The following SOWAHC variants were observed in gnomAD, a reference collection of about 807,000 sequenced individuals.
The protein encoded by SOWAHC is sosondowah ankyrin repeat domain family member C.
In SOWAHC, 12 loss-of-function variants were observed where a neutral mutation model predicts 14.4. The observed-to-expected ratio is 0.83, with a 90% CI of 0.53 to 1.35. SOWAHC has a LOEUF of 1.35. Ranked by LOEUF, SOWAHC falls within the 40% of genes most tolerant of loss-of-function variation. SOWAHC has a pLI of 0.00. For synonymous variants in SOWAHC, 398 were observed against 347.0 expected (o/e 1.15, Z -1.63); for missense variants, 771 against 752.8 (o/e 1.02, Z -0.28).
At position 109,615,970 on chromosome 2, in the gene SOWAHC, C is replaced by G; in HGVS notation, c.1481C>G (p.Pro494Arg). 1 of 1,573,896 alleles carries G rather than the reference C, an allele frequency of 6.4e-7. No individual in the cohort carries two copies. Among genetic ancestry groups the G allele is most frequent in the East Asian group, 2.2e-5 (1 of 44,632 alleles). ...CCCTCTTTCAGGGACCCAGAGCAGC[C>G]GCTGGAGGGCAGGGGGGAGGAGGGA... ...TTPSFRDPEQ[P>R]LEGRGEEGVG... The change falls in exon 1 of 1, where the codon CCG becomes CGG. Residue 494 changes from proline (P) to arginine (R), a missense_variant. By Grantham distance (103) the Pro-to-Arg change is moderately radical (BLOSUM62 -2). Transcript: ENST00000356454.
Position 109,615,056 on chromosome 2 carries a change from C to T in SOWAHC, c.567C>T (p.Gly189=), listed in dbSNP as rs368789552. 167 of 1,549,094 alleles carry T rather than the reference C, an allele frequency of 1.1e-4. 2 individuals carry two copies. In the African/African-American group the frequency reaches 2.1e-3, roughly 20 times the overall value. The stretch of plus-strand genomic sequence containing the variant: ...ATGGCTGCGAGGAGGCGGACAGGGG[C>T]AGCTCCCTTGTGGGGGCTACCGCAC... ...PPHGCEEADR[G]SSLVGATAQR... Residue 189 remains glycine, a synonymous_variant, in exon 1 of 1, where the codon GGC becomes GGT. Transcript: ENST00000356454.
rs776243256 is a variant in SOWAHC, at chr2:109,615,407, G to A, written c.918G>A (p.Leu306=). The A allele has an allele frequency of 6.2e-7, 1 of 1,613,090 alleles. No individual in the cohort carries two copies. The highest frequency in any genetic ancestry group is 1.7e-5 in the Admixed American group (1 of 60,032). Residue 306 remains leucine, a synonymous_variant, in exon 1 of 1, where the codon CTG becomes CTA. Transcript: ENST00000356454. The stretch of plus-strand genomic sequence containing the variant: ...ACTTCATTACCGGCTTCACTTGCCT[G>A]CACTGGGCCGCCAAGCACGGCAGGC... ...KRDFITGFTC[L]HWAAKHGRQE...
Position 109,614,904 on chromosome 2 carries a change from C to T in SOWAHC, c.415C>T (p.Pro139Ser). ...GQGRELGEGE[P>S]PAPAHWPPLS... is the part of the protein sequence containing the mutation. ...GGGCCGCGAGCTGGGCGAGGGAGAG[C>T]CCCCCGCCCCCGCGCACTGGCCGCC... Residue 139 changes from proline to serine, a missense_variant, in exon 1 of 1, where the codon CCC becomes TCC. By Grantham distance (74) the Pro-to-Ser change is moderately conservative. Transcript: ENST00000356454. 6.9e-7 allele frequency: 1 copy of T among 1,445,722 alleles called. No homozygotes were observed. Among genetic ancestry groups the T allele is most frequent in the Non-Finnish European group, 9.0e-7 (1 of 1,109,512 alleles). The allele number at this position is 1,445,722 out of a possible 1,614,324, so 89.6% of individuals were successfully genotyped here. A position where few individuals can be genotyped will look rare whatever the true frequency, so the allele number is the denominator to read the frequency against.
At position 109,616,391 on chromosome 2, in the gene SOWAHC, T is replaced by G; in HGVS notation, c.*324T>G. ...AATGAGAGTTCCTTTGCTTTAACCA[T>G]TCCTGGATGCCTGCAAAGTAAGGAA... is the stretch of plus-strand genomic sequence containing the variant. On this transcript the variant is annotated 3_prime_UTR_variant, in exon 1 of 1. Transcript: ENST00000356454. 2 of 200,954 alleles carry G rather than the reference T, an allele frequency of 1.0e-5. No individual in the cohort carries two copies. Among genetic ancestry groups the G allele is most frequent in the Non-Finnish European group, 1.1e-5 (1 of 91,644 alleles). The allele number at this position is 200,954 out of a possible 1,614,324, so 12.4% of individuals were successfully genotyped here. A position where few individuals can be genotyped will look rare whatever the true frequency, so the allele number is the denominator to read the frequency against.
At position 109,614,426 on chromosome 2, in the gene SOWAHC, TG is replaced by T; in HGVS notation, c.-61del. 8.8e-7 allele frequency: 1 copy of T among 1,135,550 alleles called. No individual in the cohort carries two copies. The highest frequency in any genetic ancestry group is 1.1e-6 in the Non-Finnish European group (1 of 909,204). The allele number at this position is 1,135,550 out of a possible 1,614,324, so 70.3% of individuals were successfully genotyped here. Reference sequence around the variant, plus strand: ...TCCGCCGCCGTCGGGAGCCGGCCGCTGGGAGCCCGTCGCTATGGGACCGCGC... The same window carrying T: ...TCCGCCGCCGTCGGGAGCCGGCCGCTGGAGCCCGTCGCTATGGGACCGCGC... On this transcript the variant is annotated 5_prime_UTR_variant, in exon 1 of 1. Transcript: ENST00000356454.
Position 109,615,085 on chromosome 2 carries a change from G to C in SOWAHC, c.596G>C (p.Arg199Thr). The change falls in exon 1 of 1, where the codon AGG becomes ACG. Residue 199 changes from arginine to threonine, a missense_variant. By Grantham distance (71) the Arg-to-Thr change is moderately conservative. Coordinates refer to ENST00000356454, the MANE Select transcript of SOWAHC (RefSeq NM_023016.4). ...GSSLVGATAQ[R>T]PARQNLRDLV... is the part of the protein sequence containing the mutation. The stretch of plus-strand genomic sequence containing the variant: ...TCCCTTGTGGGGGCTACCGCACAGA[G>C]GCCGGCCCGCCAGAACCTCCGTGAC... The C allele has an allele frequency of 6.5e-7, 1 of 1,549,646 alleles. No individual in the cohort carries two copies. The highest frequency in any genetic ancestry group is 8.7e-7 in the Non-Finnish European group (1 of 1,146,788).
At position 109,618,730 on chromosome 2, in the gene SOWAHC, CTA is replaced by C. The variant is rs1170549864; in HGVS notation, c.*2665_*2666del. ...TACTTAGATGTTTATTGATATGAGA[CTA>C]TGTGGTTAAAAAACCCAAGTATGTC... On this transcript the variant is annotated 3_prime_UTR_variant, in exon 1 of 1. Coordinates refer to ENST00000356454, the MANE Select transcript of SOWAHC (RefSeq NM_023016.4). The C allele has an allele frequency of 2.4e-5, 4 of 167,054 alleles. No homozygotes were observed. The highest frequency in any genetic ancestry group is 2.1e-4 in the South Asian group (1 of 4,832). The allele number at this position is 167,054 out of a possible 1,614,324, so 10.3% of individuals were successfully genotyped here.
In SOWAHC at chr2:109,616,178, G is replaced by A. The variant is rs1700149820; in HGVS notation, c.*111G>A. On this transcript the variant is annotated 3_prime_UTR_variant, in exon 1 of 1. Transcript: ENST00000356454. ...CAAGCTAAATTATGCATTCTTACTTGAGGGATCGGAATGGATGGGGCGGAG... is the reference window on the plus strand; with the variant it reads ...CAAGCTAAATTATGCATTCTTACTTAAGGGATCGGAATGGATGGGGCGGAG... 1 of 1,390,982 alleles carries A rather than the reference G, an allele frequency of 7.2e-7. No individual in the cohort carries two copies. Among genetic ancestry groups the A allele is most frequent in the African/African-American group, 1.5e-5 (1 of 68,218 alleles). The allele number at this position is 1,390,982 out of a possible 1,614,324, so 86.2% of individuals were successfully genotyped here. A position where few individuals can be genotyped will look rare whatever the true frequency, so the allele number is the denominator to read the frequency against.
Position 109,615,450 on chromosome 2 carries a change from C to T in SOWAHC, c.961C>T (p.Leu321=). 1.2e-6 allele frequency: 2 copies of T among 1,613,218 alleles called. No homozygotes were observed. The highest frequency in any genetic ancestry group is 1.7e-5 in the Admixed American group (1 of 60,034). Residue 321 remains leucine (L), a synonymous_variant, in exon 1 of 1, where the codon CTA becomes TTA. Coordinates refer to ENST00000356454, the MANE Select transcript of SOWAHC (RefSeq NM_023016.4). The stretch of plus-strand genomic sequence containing the variant: ...CGGCAGGCAGGAGCTTCTGGCCATG[C>T]TAGTCAACTTCGCCAACAAACACCA... ...KHGRQELLAM[L]VNFANKHQLP...
rs1179618994 is a variant in SOWAHC, at chr2:109,614,911, C to T, written c.422C>T (p.Ala141Val). 6 of 1,457,920 alleles carry T rather than the reference C, an allele frequency of 4.1e-6. No homozygotes were observed. Among genetic ancestry groups the T allele is most frequent in the Non-Finnish European group, 4.5e-6 (5 of 1,114,374 alleles). The allele number at this position is 1,457,920 out of a possible 1,614,324, so 90.3% of individuals were successfully genotyped here. Reference sequence around the variant, plus strand: ...GAGCTGGGCGAGGGAGAGCCCCCCGCCCCCGCGCACTGGCCGCCCCTGAGC... The same window carrying T: ...GAGCTGGGCGAGGGAGAGCCCCCCGTCCCCGCGCACTGGCCGCCCCTGAGC... ...GRELGEGEPP[A>V]PAHWPPLSAG... Residue 141 changes from alanine (A) to valine (V), a missense_variant, in exon 1 of 1, where the codon GCC becomes GTC. Transcript: ENST00000356454.
chr2:109,614,654 C>A lies in SOWAHC; in HGVS notation c.165C>A (p.His55Gln). 6.8e-7 allele frequency: 1 copy of A among 1,477,074 alleles called. No homozygotes were observed. Among genetic ancestry groups the A allele is most frequent in the Non-Finnish European group, 8.9e-7 (1 of 1,118,476 alleles). 91.5% of individuals were successfully genotyped at this position (1,477,074 alleles called of 1,614,324 possible). Reference protein sequence around the residue: ...EPEQRARARAHFKELVNAVAT... With the variant: ...EPEQRARARAQFKELVNAVAT... ...AGCAGCGCGCCCGCGCCCGCGCGCA[C>A]TTCAAGGAGCTGGTGAACGCCGTGG... is the stretch of plus-strand genomic sequence containing the variant. The change falls in exon 1 of 1, where the codon CAC becomes CAA. Residue 55 changes from histidine to glutamine, a missense_variant. His to Gln is a conservative substitution (Grantham distance 24, BLOSUM62 0). Coordinates refer to ENST00000356454, the MANE Select transcript of SOWAHC (RefSeq NM_023016.4).
chr2:109,617,746 T>TGGTGGCTCATGG lies in SOWAHC; in HGVS notation c.*1690_*1691insGGGTGGCTCATG, dbSNP rs1700167865. The TGGTGGCTCATGG allele has an allele frequency of 1.2e-5, 2 of 166,510 alleles. No individual in the cohort carries two copies. The highest frequency in any genetic ancestry group is 6.6e-5 in the Admixed American group (1 of 15,266). 10.3% of individuals were successfully genotyped at this position (166,510 alleles called of 1,614,324 possible). On this transcript the variant is annotated 3_prime_UTR_variant, in exon 1 of 1. Transcript: ENST00000356454. ...TTAAAGATGGATGAAAGGCCAGGCATGGTGGCTCATGCCTGTAATCCCAGC... is the reference window on the plus strand; with the variant it reads ...TTAAAGATGGATGAAAGGCCAGGCATGGTGGCTCATGGGGTGGCTCATGCCTGTAATCCCAGC...
chr2:109,614,886 G>C lies in SOWAHC; in HGVS notation c.397G>C (p.Glu133Gln). 1 of 1,425,506 alleles carries C rather than the reference G, an allele frequency of 7.0e-7. No homozygotes were observed. The highest frequency in any genetic ancestry group is 9.1e-7 in the Non-Finnish European group (1 of 1,101,328). The allele number at this position is 1,425,506 out of a possible 1,614,324, so 88.3% of individuals were successfully genotyped here. A position where few individuals can be genotyped will look rare whatever the true frequency, so the allele number is the denominator to read the frequency against. Residue 133 changes from glutamate (E) to glutamine (Q), a missense_variant, in exon 1 of 1, where the codon GAG (glutamate) becomes CAG (glutamine). Transcript: ENST00000356454. Reference protein sequence around the residue: ...APESLPGQGRELGEGEPPAPA... With the variant: ...APESLPGQGRQLGEGEPPAPA... ...GGAGTCGCTCCCTGGACAGGGCCGC[G>C]AGCTGGGCGAGGGAGAGCCCCCCGC... is the stretch of plus-strand genomic sequence containing the variant.
Position 109,615,110 on chromosome 2 carries a change from C to A in SOWAHC, c.621C>A (p.Asp207Glu). The change falls in exon 1 of 1, where the codon GAC becomes GAA. Residue 207 changes from aspartate to glutamate, a missense_variant. Transcript: ENST00000356454. ...GGCCGGCCCGCCAGAACCTCCGTGA[C>A]CTGGTGATGGGCAGCTCCCCGCAGC... ...AQRPARQNLR[D>E]LVMGSSPQLK... 6.5e-7 allele frequency: 1 copy of A among 1,549,834 alleles called. No individual in the cohort carries two copies. Among genetic ancestry groups the A allele is most frequent in the Middle Eastern group, 1.7e-4 (1 of 5,860 alleles).
At position 109,618,180 on chromosome 2, in the gene SOWAHC, G is replaced by T. The variant is rs1462692945; in HGVS notation, c.*2113G>T. ...TCTAATTTTGTATAAATAAAAACAGGCTCCTGGAAGGTGAAAAGTAGTCAT... is the reference window on the plus strand; with the variant it reads ...TCTAATTTTGTATAAATAAAAACAGTCTCCTGGAAGGTGAAAAGTAGTCAT... On this transcript the variant is annotated 3_prime_UTR_variant, in exon 1 of 1. Coordinates refer to ENST00000356454, the MANE Select transcript of SOWAHC (RefSeq NM_023016.4). 1.2e-5 allele frequency: 2 copies of T among 166,946 alleles called. No homozygotes were observed. Among genetic ancestry groups the T allele is most frequent in the Non-Finnish European group, 2.9e-5 (2 of 68,104 alleles). 10.3% of individuals were successfully genotyped at this position (166,946 alleles called of 1,614,324 possible).
chr2:109,614,808 G>T lies in SOWAHC; in HGVS notation c.319G>T (p.Asp107Tyr), dbSNP rs937666434. ...GGTGACCGCCGAGCCCGAGGCCCCC[G>T]ACGGCCCTGCCGGGCCCGAGGCGCG... ...IQVTAEPEAP[D>Y]GPAGPEARDR... is the part of the protein sequence containing the mutation. Residue 107 changes from aspartate (D) to tyrosine (Y), a missense_variant, in exon 1 of 1, where the codon GAC becomes TAC. By Grantham distance (160) the Asp-to-Tyr change is radical. Coordinates refer to ENST00000356454, the MANE Select transcript of SOWAHC (RefSeq NM_023016.4). 9 of 1,465,804 alleles carry T rather than the reference G, an allele frequency of 6.1e-6. 1 individual carries two copies. Among genetic ancestry groups the T allele is most frequent in the South Asian group, 2.6e-5 (2 of 76,968 alleles). 90.8% of individuals were successfully genotyped at this position (1,465,804 alleles called of 1,614,324 possible). A position where few individuals can be genotyped will look rare whatever the true frequency, so the allele number is the denominator to read the frequency against.
rs146665390 is a variant in SOWAHC, at chr2:109,615,983, G to T, written c.1494G>T (p.Arg498Ser). ...FRDPEQPLEG[R>S]GEEGVGEERP... ...ACCCAGAGCAGCCGCTGGAGGGCAGGGGGGAGGAGGGAGTGGGGGAGGAAC... is the reference window on the plus strand; with the variant it reads ...ACCCAGAGCAGCCGCTGGAGGGCAGTGGGGAGGAGGGAGTGGGGGAGGAAC... The change falls in exon 1 of 1, where the codon AGG becomes AGT. Residue 498 changes from arginine (R) to serine (S), a missense_variant. Coordinates refer to ENST00000356454, the MANE Select transcript of SOWAHC (RefSeq NM_023016.4). The T allele has an allele frequency of 1.8e-3, 2,814 of 1,555,684 alleles. 5 individuals are homozygous for T. Among genetic ancestry groups the T allele is most frequent in the Non-Finnish European group, 2.3e-3 (2,602 of 1,154,068 alleles).
rs1213346786 is a variant in SOWAHC at position 109,614,463 on chromosome 2, G to C, written c.-27G>C. On this transcript the variant is annotated 5_prime_UTR_variant, in exon 1 of 1. Coordinates refer to ENST00000356454, the MANE Select transcript of SOWAHC (RefSeq NM_023016.4). ...GCTATGGGACCGCGCTGAGCCGCCCGCTGGCGGGGGAGCAGCGCGGTCGAG... is the reference window on the plus strand; with the variant it reads ...GCTATGGGACCGCGCTGAGCCGCCCCCTGGCGGGGGAGCAGCGCGGTCGAG... 3.3e-6 allele frequency: 4 copies of C among 1,213,622 alleles called. No homozygotes were observed. The highest frequency in any genetic ancestry group is 4.1e-6 in the Non-Finnish European group (4 of 976,288). 75.2% of individuals were successfully genotyped at this position (1,213,622 alleles called of 1,614,324 possible).
chr2:109,616,261 C>A lies in SOWAHC; in HGVS notation c.*194C>A. 1.2e-6 allele frequency: 1 copy of A among 836,374 alleles called. No individual in the cohort carries two copies. Among genetic ancestry groups the A allele is most frequent in the Non-Finnish European group, 1.7e-6 (1 of 604,538 alleles). 51.8% of individuals were successfully genotyped at this position (836,374 alleles called of 1,614,324 possible). A position where few individuals can be genotyped will look rare whatever the true frequency, so the allele number is the denominator to read the frequency against. On this transcript the variant is annotated 3_prime_UTR_variant, in exon 1 of 1. Transcript: ENST00000356454. ...ATGTCTTTTTCAGAGATTCATCATA[C>A]CTTGACCTGTACCTCTTCTCTGCCC...
Sources: allele counts gnomAD v4.1 joint callset, GRCh38; gene constraint gnomAD v4.1.1; transcripts MANE v1.5; gene names NCBI Gene and HGNC (gene_info 2026-07-23, HGNC 2026-07-21).